The following BOLL variants were observed in gnomAD, a reference collection of about 807,000 sequenced individuals.
BOLL encodes boule RNA binding protein, also known as protein boule-like.
Under a neutral mutation model 44.4 loss-of-function variants are expected in BOLL, and 23 were observed. That is an observed-to-expected ratio of 0.52 (90% CI 0.37 to 0.73). The LOEUF (loss-of-function observed/expected upper bound fraction) is 0.73, where lower values mean the gene tolerates loss of function less well. Among genes scored for constraint, BOLL ranks in the 30% least tolerant of loss-of-function variants. The probability of loss-of-function intolerance (pLI) is 0.00; values close to 1 mark genes in which losing one functional copy is unlikely to be tolerated. For missense variants in BOLL, 287 were observed against 338.3 expected (o/e 0.85, Z 1.19); for synonymous variants, 97 against 110.8 (o/e 0.88, Z 0.78).
intron 7 of BOLL, among the ~76,000 whole-genome samples, chr2:197,759,310 C>T (rs953103377): frequency 6.6e-6 from 1 of 152,098 alleles, no homozygotes; most frequent in Non-Finnish European, 1.5e-5. Context: ...AAAAGGTAAG[C>T]AGAAGATCCC....
intron 9 of BOLL, among the ~76,000 whole-genome samples, chr2:197,748,749 A>C (rs1456175134): frequency 6.6e-6 from 1 of 152,232 alleles, no homozygotes; most frequent in Non-Finnish European, 1.5e-5. Flanking sequence ...GGGCTTATAG[A>C]TAAAACTCCC....
intron 10 of BOLL, among the ~76,000 whole-genome samples, chr2:197,736,982 C>T (rs1430843327): frequency 6.6e-6 from 1 of 151,918 alleles, no homozygotes; most frequent in African/African-American, 2.4e-5. Context: ...ATTTCATTTT[C>T]TTTTGTGACT....
intron 7 of BOLL, chr2:197,758,850 A>C: frequency 3.8e-6 from 4 of 1,042,100 alleles, no homozygotes; most frequent in Non-Finnish European, 5.4e-6. Context: ...ACATTAAAAA[A>C]CCAGCTTGCA....
intron 9 of BOLL, among the ~76,000 whole-genome samples, chr2:197,749,579 C>T (rs1042295277): frequency 2.6e-5 from 4 of 151,686 alleles, no homozygotes; most frequent in African/African-American, 7.3e-5. Context: ...ACGAGAACTT[C>T]GTGAAGCATA....
At position 197,781,705 on chromosome 2, in the gene BOLL, C is replaced by G. The variant is rs1359571396; in HGVS notation, c.129+17G>C. On this transcript the variant is annotated intron_variant, in intron 2 of 10. Transcript: ENST00000392296. ...TCTAATGAAAAAATACACTTTACTG[C>G]ATGCATAAATAGGTACCTTAAAATC... 1.3e-6 allele frequency: 2 copies of G among 1,501,884 alleles called. No homozygotes were observed. Among genetic ancestry groups the G allele is most frequent in the Non-Finnish European group, 1.8e-6 (2 of 1,110,066 alleles). The allele number at this position is 1,501,884 out of a possible 1,614,324, so 93.0% of individuals were successfully genotyped here.
rs746308776 is a variant in BOLL, at chr2:197,728,509, A to G, written c.*46T>C. On this transcript the variant is annotated 3_prime_UTR_variant, in exon 11 of 11. Coordinates refer to ENST00000392296, the MANE Select transcript of BOLL (RefSeq NM_033030.6). ...GCTGGATCTCGGCCACGCAAGGATC[A>G]TTGGACAAGAAATCAGTTGAGCTGG... 3 of 1,614,176 alleles carry G rather than the reference A, an allele frequency of 1.9e-6. No individual in the cohort carries two copies. Among genetic ancestry groups the G allele is most frequent in the Non-Finnish European group, 2.5e-6 (3 of 1,179,990 alleles).
chr2:197,755,037 A>T (rs947229898), intron 9 of BOLL, among the ~76,000 whole-genome samples: 30 of 152,248 alleles, frequency 2.0e-4, no homozygotes, highest in Admixed American at 2.0e-3. Context: ...CAAGGAATTT[A>T]AACAAATTCA....
At chr2:197,762,713 T>C (rs1688816851) in intron 7 of BOLL, among the ~76,000 whole-genome samples, 1 of 152,080 alleles carries the variant, frequency 6.6e-6, no homozygotes, top group South Asian at 2.1e-4. Flanking sequence ...CCAAAACCTA[T>C]GGGACACAAC....
rs191471005 is a variant in BOLL, at chr2:197,772,301, T to G, written c.353-319A>C. Among the ~76,000 whole-genome samples the G allele has an allele frequency of 5.1e-3, 774 of 152,144 alleles. 10 individuals are homozygous for G. The highest frequency in any genetic ancestry group is 0.018 in the African/African-American group (736 of 41,524). On this transcript the variant is annotated intron_variant, in intron 5 of 10. Coordinates refer to ENST00000392296, the MANE Select transcript of BOLL (RefSeq NM_033030.6). ...CAAAGCTGAACAATTTAGACTATCA[T>G]CAGCGAAGTAATTATTTGTACAAAT...
chr2:197,764,625 T>C (rs1447312541), intron 7 of BOLL, among the ~76,000 whole-genome samples: 1 of 152,202 alleles, frequency 6.6e-6, no homozygotes, highest in Non-Finnish European at 1.5e-5. Context: ...GAGTAGCTTA[T>C]CCTCTGCTGG....
intron 10 of BOLL, 42 bp from the exon 11 acceptor site, chr2:197,728,620 G>GAA: frequency 3.7e-6 from 5 of 1,340,426 alleles, no homozygotes; most frequent in Non-Finnish European, 4.2e-6. Flanking sequence ...AGACTGAATG[G>GAA]AAAAAAAAAG....
chr2:197,776,961 T>C, intron 4 of BOLL, 98 bp downstream of exon 4: 1 of 959,810 alleles, frequency 1.0e-6, no homozygotes, highest in Non-Finnish European at 1.5e-6. Flanking sequence ...TGCAAACCTT[T>C]TTTAAAAAGC....
rs1401589921 is a variant in BOLL, at chr2:197,781,496, C to T, written c.129+226G>A. On this transcript the variant is annotated intron_variant, in intron 2 of 10. Transcript: ENST00000392296. ...ACTCTGTCACTATGTGGCTAGCAGC[C>T]CACAGCAAGTCAGTGAGGATCAATT... 2.0e-4 allele frequency among the ~76,000 whole-genome samples: 31 copies of T among 152,172 alleles called. 1 individual carries two copies.
intron 7 of BOLL, among the ~76,000 whole-genome samples, chr2:197,762,275 C>T (rs910850299): frequency 1.3e-5 from 2 of 151,926 alleles, no homozygotes; most frequent in Non-Finnish European, 1.5e-5. Context: ...ACCTGGGAGG[C>T]GGAGGTTGCA....
chr2:197,740,194 G>A (rs369182285), intron 10 of BOLL, among the ~76,000 whole-genome samples: 3 of 152,110 alleles, frequency 2.0e-5, no homozygotes, highest in African/African-American at 4.8e-5. Flanking sequence ...CGAGAAGACC[G>A]GGAGGCTCCT....
intron 7 of BOLL, among the ~76,000 whole-genome samples, chr2:197,764,531 A>T (rs1688903652): frequency 6.6e-6 from 1 of 152,154 alleles, no homozygotes; most frequent in South Asian, 2.1e-4. Flanking sequence ...TTTGAAAGAA[A>T]CAAGTTTTAT....
At chr2:197,759,286 T>G (rs1688647638) in intron 7 of BOLL, among the ~76,000 whole-genome samples, 2 of 151,988 alleles carry the variant, frequency 1.3e-5, no homozygotes, top group Admixed American at 1.3e-4. Flanking sequence ...GTCCTGCAGT[T>G]TCTTATTGCA....
chr2:197,760,732 A>G (rs1298777193), intron 7 of BOLL, among the ~76,000 whole-genome samples: 1 of 152,144 alleles, frequency 6.6e-6, no homozygotes, highest in Non-Finnish European at 1.5e-5. Context: ...AGACTACCCT[A>G]GCAGATAGGT....
At chr2:197,729,576 G>A (rs897569507) in intron 10 of BOLL, among the ~76,000 whole-genome samples, 20 of 152,200 alleles carry the variant, frequency 1.3e-4, no homozygotes, top group African/African-American at 4.8e-4. Context: ...TGACAGCTTT[G>A]AAGAGAGCAG....
Sources: allele counts gnomAD v4.1 joint callset (sites outside exome capture counted in the v4.1 genomes callset), GRCh38; gene constraint gnomAD v4.1.1; transcripts MANE v1.5; gene names NCBI Gene and HGNC (gene_info 2026-07-23, HGNC 2026-07-21).